The following DNAJC16 variants were observed in gnomAD, a reference collection of about 807,000 sequenced individuals.
The protein encoded by DNAJC16 is DnaJ heat shock protein family (Hsp40) member C16.
Under a neutral mutation model 92.7 loss-of-function variants are expected in DNAJC16, and 76 were observed. The observed-to-expected ratio is 0.82, with a 90% CI of 0.68 to 0.99. The LOEUF is 0.99. DNAJC16 is among the 50% of genes least tolerant of loss of function. The pLI is 0.00. For missense variants in DNAJC16, 869 were observed against 942.4 expected (o/e 0.92, Z 1.02); for synonymous variants, 328 against 358.7 (o/e 0.91, Z 0.97).
intron 1 of DNAJC16, among the ~76,000 whole-genome samples, chr1:15,527,814 G>A (rs1322085161): frequency 1.3e-5 from 2 of 152,116 alleles, no homozygotes; most frequent in Admixed American, 6.5e-5. Flanking sequence ...CTTCAGTAAG[G>A]TGTCACAGAA....
intron 3 of DNAJC16, among the ~76,000 whole-genome samples, chr1:15,536,051 T>C (rs1710772172): frequency 7.9e-6 from 1 of 127,298 alleles, no homozygotes; most frequent in African/African-American, 3.1e-5. Context: ...TTTTTACATT[T>C]CTTTTCTTTT....
Position 15,567,114 on chromosome 1 carries a change from A to T in DNAJC16, c.1794A>T (p.Lys598Asn), listed in dbSNP as rs756118316. The change falls in exon 14 of 15, where the codon AAA (lysine) becomes AAT (asparagine). Residue 598 changes from lysine (K) to asparagine (N), a missense_variant. Coordinates refer to ENST00000375847, the MANE Select transcript of DNAJC16 (RefSeq NM_015291.4). ...TKENSSKIPK[K>N]GFVEVTELTD... Reference sequence around the variant, plus strand: ...TTCTCCACAGCAAGATTCCTAAAAAAGGCTTTGTGGAGGTAACTGAACTCA... The same window carrying T: ...TTCTCCACAGCAAGATTCCTAAAAATGGCTTTGTGGAGGTAACTGAACTCA... 1 of 1,607,418 alleles carries T rather than the reference A, an allele frequency of 6.2e-7. No homozygotes were observed.
At chr1:15,527,482 A>G (rs138031878) in intron 1 of DNAJC16, among the ~76,000 whole-genome samples, 119 of 152,316 alleles carry the variant, frequency 7.8e-4, no homozygotes, top group African/African-American at 2.8e-3. Flanking sequence ...TGATCCTTCA[A>G]GGTGGTAGTA....
intron 6 of DNAJC16, 64 bp from the exon 7 acceptor site, chr1:15,548,206 C>G: frequency 5.2e-6 from 8 of 1,552,964 alleles, no homozygotes; most frequent in Non-Finnish European, 7.0e-6. Flanking sequence ...AAAAGCCCTA[C>G]TTGATTTGTC....
rs1475684637 is a variant in DNAJC16, at chr1:15,570,370, G to GT, written c.*2194dup. On this transcript the variant is annotated 3_prime_UTR_variant, in exon 15 of 15. Transcript: ENST00000375847. ...TCTGAAAACCAAAAACTCTCCAAGT[G>GT]TATTTATTTATATTTTTTTTAATAG... is the stretch of plus-strand genomic sequence containing the variant. 1 of 151,974 alleles carries GT rather than the reference G, an allele frequency of 6.6e-6. No homozygotes were observed. The highest frequency in any genetic ancestry group is 2.4e-5 in the African/African-American group (1 of 41,368). The allele number at this position is 151,974 out of a possible 1,614,324, so 9.4% of individuals were successfully genotyped here. A position where few individuals can be genotyped will look rare whatever the true frequency, so the allele number is the denominator to read the frequency against.
At position 15,534,246 on chromosome 1, in the gene DNAJC16, C is replaced by G; in HGVS notation, c.177C>G (p.Asp59Glu). Residue 59 changes from aspartate to glutamate, a missense_variant, in exon 3 of 15, where the codon GAC becomes GAG. Coordinates refer to ENST00000375847, the MANE Select transcript of DNAJC16 (RefSeq NM_015291.4). ...YKKLAREWHP[D>E]KNKDPGAEDK... Reference sequence around the variant, plus strand: ...CCTGTTTGTGTTTCAGGCATCCTGACAAAAACAAAGATCCTGGAGCAGAAG... The same window carrying G: ...CCTGTTTGTGTTTCAGGCATCCTGAGAAAAACAAAGATCCTGGAGCAGAAG... 1.2e-6 allele frequency: 2 copies of G among 1,613,926 alleles called. No individual in the cohort carries two copies. Among genetic ancestry groups the G allele is most frequent in the Non-Finnish European group, 1.7e-6 (2 of 1,179,940 alleles).
rs971235625 is a variant in DNAJC16 at position 15,571,269 on chromosome 1, A to G, written c.*3092A>G. On this transcript the variant is annotated 3_prime_UTR_variant, in exon 15 of 15. Transcript: ENST00000375847. The stretch of plus-strand genomic sequence containing the variant: ...ACATCCCAATCAATTTGCAGCTGCC[A>G]TCATTACATAAATATTTTTCTGTTA... 2 of 152,232 alleles carry G rather than the reference A, an allele frequency of 1.3e-5. No individual in the cohort carries two copies. The highest frequency in any genetic ancestry group is 2.4e-5 in the African/African-American group (1 of 41,474). 9.4% of individuals were successfully genotyped at this position (152,232 alleles called of 1,614,324 possible). A position where few individuals can be genotyped will look rare whatever the true frequency, so the allele number is the denominator to read the frequency against.
rs1275813020 is a variant in DNAJC16 at position 15,566,191 on chromosome 1, C to T, written c.1778+11C>T. ...CAAAGAAAACAGCAGGTTTCTCTAA[C>T]AAAACACCAGACTCACCTCCCCGGC... On this transcript the variant is annotated intron_variant, in intron 13 of 14. Transcript: ENST00000375847. 6.2e-7 allele frequency: 1 copy of T among 1,609,998 alleles called. No homozygotes were observed. The highest frequency in any genetic ancestry group is 8.5e-7 in the Non-Finnish European group (1 of 1,177,250).
intron 1 of DNAJC16, 123 bp from the exon 2 acceptor site, chr1:15,528,961 GACAC>G (rs1710587694): frequency 2.7e-6 from 2 of 734,066 alleles, no homozygotes; most frequent in South Asian, 4.7e-5. Context: ...TCAACAGCTT[GACAC>G]TTTTCCTGCA....
intron 8 of DNAJC16, 89 bp from the exon 9 acceptor site, chr1:15,562,053 T>C (rs1638703166): frequency 1.5e-6 from 2 of 1,346,966 alleles, no homozygotes; most frequent in East Asian, 4.7e-5. Context: ...TAAGATGAGC[T>C]CCTCGTCTTC....
At chr1:15,528,487 A>G (rs916112511) in intron 1 of DNAJC16, among the ~76,000 whole-genome samples, 6 of 152,054 alleles carry the variant, frequency 3.9e-5, no homozygotes, top group Admixed American at 2.6e-4. Context: ...GCAGCTTCTC[A>G]TTTTCTTGTT....
In DNAJC16 at chr1:15,536,072, C is replaced by CTTTTCT. The variant is rs1553146510; in HGVS notation, c.235-399_235-398insCTTTTT. On this transcript the variant is annotated intron_variant, in intron 3 of 14. Coordinates refer to ENST00000375847, the MANE Select transcript of DNAJC16 (RefSeq NM_015291.4). ...CATTTCTTTTCTTTTCTTTTCTTTT[C>CTTTTCT]TTTTTTTTTTTTTTTTTTGAGACGG... is the stretch of plus-strand genomic sequence containing the variant. 1.7e-4 allele frequency among the ~76,000 whole-genome samples: 14 copies of CTTTTCT among 84,574 alleles called. No individual in the cohort carries two copies. The East Asian group carries it at 2.1e-3, about 13-fold the overall frequency. The allele number at this position is 84,574 out of a possible 152,430, so 55.5% of individuals were successfully genotyped here.
At position 15,563,483 on chromosome 1, in the gene DNAJC16, C is replaced by T. The variant is rs188032963; in HGVS notation, c.1339-446C>T. Reference sequence around the variant, plus strand: ...GGCAGAGGTTGCAGTGAGCCAAGATCGCACCATTGCACTCCAGCCTGGGAG... The same window carrying T: ...GGCAGAGGTTGCAGTGAGCCAAGATTGCACCATTGCACTCCAGCCTGGGAG... On this transcript the variant is annotated intron_variant, in intron 9 of 14. Coordinates refer to ENST00000375847, the MANE Select transcript of DNAJC16 (RefSeq NM_015291.4). Among the ~76,000 whole-genome samples the T allele has an allele frequency of 6.4e-3, 975 of 151,484 alleles. 7 individuals are homozygous for T. Among genetic ancestry groups the T allele is most frequent in the Non-Finnish European group, 8.8e-3 (594 of 67,870 alleles).
intron 2 of DNAJC16, among the ~76,000 whole-genome samples, chr1:15,531,137 G>A (rs1031551963): frequency 2.0e-5 from 3 of 152,186 alleles, no homozygotes; most frequent in Admixed American, 6.5e-5. Flanking sequence ...GTAAGGGTGA[G>A]TGGGCTAATG....
intron 2 of DNAJC16, among the ~76,000 whole-genome samples, chr1:15,530,078 G>A (rs888589801): frequency 2.0e-5 from 3 of 151,978 alleles, no homozygotes; most frequent in Non-Finnish European, 4.4e-5. Context: ...TGGAATCCAT[G>A]GATGTGAAAC....
intron 3 of DNAJC16, among the ~76,000 whole-genome samples, chr1:15,535,952 G>A (rs1297943435): frequency 1.3e-5 from 2 of 150,274 alleles, no homozygotes; most frequent in African/African-American, 2.4e-5. Flanking sequence ...TCTTTTTGTA[G>A]CAAAGTCATG....
chr1:15,543,843 C>T (rs1480970857), intron 4 of DNAJC16, among the ~76,000 whole-genome samples: 1 of 152,054 alleles, frequency 6.6e-6, no homozygotes, highest in Admixed American at 6.6e-5. Context: ...CCAAAGATGA[C>T]GCTTACAGTT....
In DNAJC16 at chr1:15,568,752, C is replaced by G; in HGVS notation, c.*575C>G. On this transcript the variant is annotated 3_prime_UTR_variant, in exon 15 of 15. Transcript: ENST00000375847. ...CTAAATGTATATTTTGGGGGTATCC[C>G]CCAACAACAGTTTGTTGGCCACAGG... The G allele has an allele frequency of 2.5e-6, 1 of 398,774 alleles. No homozygotes were observed. The highest frequency in any genetic ancestry group is 3.6e-5 in the East Asian group (1 of 28,086). 24.7% of individuals were successfully genotyped at this position (398,774 alleles called of 1,614,324 possible). A position where few individuals can be genotyped will look rare whatever the true frequency, so the allele number is the denominator to read the frequency against.
chr1:15,567,362 G>C, intron 14 of DNAJC16, 93 bp downstream of exon 14: 2 of 1,371,222 alleles, frequency 1.5e-6, no homozygotes, highest in Admixed American at 3.8e-5. Flanking sequence ...GGTCTTGTGG[G>C]GCTTCATCCA....
Sources: allele counts gnomAD v4.1 joint callset (sites outside exome capture counted in the v4.1 genomes callset), GRCh38; gene constraint gnomAD v4.1.1; transcripts MANE v1.5; gene names NCBI Gene and HGNC (gene_info 2026-07-23, HGNC 2026-07-21).